LTBP2: variants seen among roughly 807,000 people sequenced by gnomAD.
LTBP2 encodes the protein latent transforming growth factor beta binding protein 2.
Under a neutral mutation model 210.6 loss-of-function variants are expected in LTBP2, and 103 were observed. The observed-to-expected ratio is 0.49, with a 90% CI of 0.42 to 0.58. LTBP2 has a LOEUF of 0.58. LTBP2 is among the 20% of genes least tolerant of loss of function. The pLI is 0.00. For missense variants in LTBP2, 2,313 were observed against 2,494.5 expected (o/e 0.93, Z 1.55); for synonymous variants, 1,007 against 1,015.0 (o/e 0.99, Z 0.15).
chr14:74,508,075 T>C lies in LTBP2; in HGVS notation c.3673A>G (p.Thr1225Ala), dbSNP rs745507054. ...CAGTGCCCTCCCACACACGGGTCTG[T>C]GGTGGCACACTCGTCCACATCTAGA... ...SCQDVDECATTDPCVGGHCVN... is the reference protein window; with the variant it reads ...SCQDVDECATADPCVGGHCVN... The change falls in exon 25 of 36, where the codon ACA becomes GCA. Residue 1225 changes from threonine (T) to alanine (A), a missense_variant. This residue lies in a region of LTBP2 where 1,867 missense variants were observed against 1,976.9 expected (regional missense o/e 0.94). Coordinates refer to ENST00000261978, the MANE Select transcript of LTBP2 (RefSeq NM_000428.3). 9 of 1,613,762 alleles carry C rather than the reference T, an allele frequency of 5.6e-6. No individual in the cohort carries two copies. The African/African-American group carries it at 1.1e-4, about 19-fold the overall frequency.
intron 3 of LTBP2, among the ~76,000 whole-genome samples, chr14:74,572,447 CTT>C (rs111500139): frequency 9.7e-5 from 14 of 143,848 alleles, no homozygotes; most frequent in African/African-American, 7.7e-5. Context: ...GAATGCCTCC[CTT>C]TTTTTTTTTT....
At chr14:74,591,187 C>T (rs1426421086) in intron 2 of LTBP2, among the ~76,000 whole-genome samples, 4 of 152,148 alleles carry the variant, frequency 2.6e-5, no homozygotes, top group Middle Eastern at 3.2e-3. Context: ...GAAAGGTGAA[C>T]AAGACTGGGC....
At chr14:74,532,977 C>T (rs754723655) in intron 9 of LTBP2, among the ~76,000 whole-genome samples, 4 of 152,134 alleles carry the variant, frequency 2.6e-5, no homozygotes, top group Non-Finnish European at 4.4e-5. Context: ...GTAGCTGGAA[C>T]GACAGGTGCA....
At chr14:74,503,726 A>G in intron 31 of LTBP2, 120 bp from the exon 32 acceptor site, 1 of 1,406,752 alleles carries the variant, frequency 7.1e-7, no homozygotes. Context: ...CCTCCCCTCA[A>G]CCCAGCCCAG....
At chr14:74,526,242 G>C in intron 13 of LTBP2, 128 bp from the exon 14 acceptor site, 2 of 908,434 alleles carry the variant, frequency 2.2e-6, no homozygotes, top group Non-Finnish European at 3.5e-6. Context: ...ATTCATTCCA[G>C]GTATTGATGA....
chr14:74,563,669 T>C lies in LTBP2; in HGVS notation c.831-7976A>G, dbSNP rs570037890. Among the ~76,000 whole-genome samples, 21 of 152,228 alleles carry C rather than the reference T, an allele frequency of 1.4e-4. No homozygotes were observed. In the South Asian group the frequency reaches 4.3e-3, roughly 32 times the overall value. On this transcript the variant is annotated intron_variant, in intron 3 of 35. Transcript: ENST00000261978. ...AATACCTCAAGACATGAGCAAATGA[T>C]ATGAAATTCAAATTTAAGCATCTAT...
At chr14:74,560,870 T>C (rs1202166715) in intron 3 of LTBP2, among the ~76,000 whole-genome samples, 1 of 152,254 alleles carries the variant, frequency 6.6e-6, no homozygotes, top group Non-Finnish European at 1.5e-5. Context: ...TGGGAGCATG[T>C]GCGTAGCTTA....
rs144682006 is a variant in LTBP2 at position 74,536,947 on chromosome 14, T to A, written c.1790-947A>T. Among the ~76,000 whole-genome samples, 304 of 152,304 alleles carry A rather than the reference T, an allele frequency of 2.0e-3. 3 individuals are homozygous for A. Among genetic ancestry groups the A allele is most frequent in the African/African-American group, 6.9e-3 (288 of 41,566 alleles). On this transcript the variant is annotated intron_variant, in intron 8 of 35. Coordinates refer to ENST00000261978, the MANE Select transcript of LTBP2 (RefSeq NM_000428.3). ...AGAAAAATGTATTATATACTTCACA[T>A]ACATAGTTATTACATATAGTATCTA... is the stretch of plus-strand genomic sequence containing the variant.
At chr14:74,524,494 G>A (rs1288983594) in intron 15 of LTBP2, among the ~76,000 whole-genome samples, 1 of 152,094 alleles carries the variant, frequency 6.6e-6, no homozygotes, top group East Asian at 1.9e-4. Flanking sequence ...CACGTGTACA[G>A]GGAGCAGCGG....
intron 1 of LTBP2, among the ~76,000 whole-genome samples, chr14:74,610,988 G>C (rs566377377): frequency 2.0e-5 from 3 of 152,250 alleles, no homozygotes; most frequent in African/African-American, 7.2e-5. Flanking sequence ...TCCTGGAGAC[G>C]CATCTACCTT....
intron 3 of LTBP2, among the ~76,000 whole-genome samples, chr14:74,572,010 A>G (rs949279864): frequency 6.6e-6 from 1 of 151,804 alleles, no homozygotes; most frequent in Middle Eastern, 3.5e-3. Flanking sequence ...CACTTCCACC[A>G]TGAATCACAG....
At chr14:74,561,479 T>TTTTC (rs2087793198) in intron 3 of LTBP2, among the ~76,000 whole-genome samples, 3 of 152,136 alleles carry the variant, frequency 2.0e-5, no homozygotes, top group Admixed American at 2.0e-4. Context: ...TAAGAAAAGC[T>TTTTC]TTTCTCTCTC....
Position 74,500,673 on chromosome 14 carries a change from C to G in LTBP2, c.*211G>C, listed in dbSNP as rs1192731284. The G allele has an allele frequency of 7.8e-6, 5 of 642,484 alleles. No homozygotes were observed. The highest frequency in any genetic ancestry group is 1.4e-5 in the Non-Finnish European group (5 of 360,964). The allele number at this position is 642,484 out of a possible 1,614,324, so 39.8% of individuals were successfully genotyped here. ...TCATGCGGTGGCTGAAGCATTAAAG[C>G]GATTGGTGGTGCTTGAGCCAAGCAA... On this transcript the variant is annotated 3_prime_UTR_variant, in exon 36 of 36. Coordinates refer to ENST00000261978, the MANE Select transcript of LTBP2 (RefSeq NM_000428.3).
chr14:74,511,820 C>T (rs1165587330), intron 18 of LTBP2, among the ~76,000 whole-genome samples: 2 of 152,202 alleles, frequency 1.3e-5, no homozygotes, highest in Non-Finnish European at 2.9e-5. Context: ...CTTCCTTGCA[C>T]CAGGAAATGA....
Position 74,604,164 on chromosome 14 carries a change from C to CAAAAAAAAAAAAAAAAAAAAAA in LTBP2, c.495-460_495-459insTTTTTTTTTTTTTTTTTTTTTT, listed in dbSNP as rs59313477. On this transcript the variant is annotated intron_variant, in intron 1 of 35. Transcript: ENST00000261978. Reference sequence around the variant, plus strand: ...GCTCCAACTCTACATTGCCTCTCACCAAAAAAAAAAAAAAAAAAAACCACA... The same window carrying CAAAAAAAAAAAAAAAAAAAAAA: ...GCTCCAACTCTACATTGCCTCTCACCAAAAAAAAAAAAAAAAAAAAAAAAAAAAAAAAAAAAAAAAAACCACA... Among the ~76,000 whole-genome samples, 156 of 72,682 alleles carry CAAAAAAAAAAAAAAAAAAAAAA rather than the reference C, an allele frequency of 2.1e-3. 6 individuals carry two copies. Among genetic ancestry groups the CAAAAAAAAAAAAAAAAAAAAAA allele is most frequent in the African/African-American group, 9.0e-3 (121 of 13,412 alleles). The allele number at this position is 72,682 out of a possible 152,430, so 47.7% of individuals were successfully genotyped here.
At chr14:74,604,331 G>A (rs2088494846) in intron 1 of LTBP2, among the ~76,000 whole-genome samples, 1 of 152,142 alleles carries the variant, frequency 6.6e-6, no homozygotes, top group Admixed American at 6.5e-5. Context: ...GCCCCCGGCA[G>A]TCTGGTGCGT....
intron 15 of LTBP2, 39 bp from the exon 16 acceptor site, chr14:74,522,957 G>A: frequency 6.3e-7 from 1 of 1,599,822 alleles, no homozygotes; most frequent in South Asian, 1.1e-5. Context: ...ATGGCAGGGT[G>A]GGTGCTGGAC....
chr14:74,561,697 C>T (rs2087796215), intron 3 of LTBP2, among the ~76,000 whole-genome samples: 1 of 152,100 alleles, frequency 6.6e-6, no homozygotes, highest in Non-Finnish European at 1.5e-5. Context: ...CTCTATTCTT[C>T]CCAGCAACTC....
At chr14:74,568,033 G>A (rs1047321014) in intron 3 of LTBP2, among the ~76,000 whole-genome samples, 1 of 152,194 alleles carries the variant, frequency 6.6e-6, no homozygotes, top group South Asian at 2.1e-4. Flanking sequence ...CACCCAGACT[G>A]GGGGGCAGGG....
Sources: allele counts gnomAD v4.1 joint callset (sites outside exome capture counted in the v4.1 genomes callset), GRCh38; gene constraint gnomAD v4.1.1; regional missense constraint gnomAD v4.1.1; transcripts MANE v1.5; gene names NCBI Gene and HGNC (gene_info 2026-07-23, HGNC 2026-07-21).